The following UTP14A variants were observed in gnomAD, a reference collection of about 807,000 sequenced individuals.
The protein encoded by UTP14A is U3 small nucleolar RNA-associated protein 14 homolog A.
A neutral mutation model predicts 57.2 loss-of-function variants in UTP14A; 5 were observed. The ratio of observed to expected loss-of-function variants is 0.09; its 90% confidence interval spans 0.05 to 0.18. The LOEUF is 0.18. UTP14A is among the 10% of genes least tolerant of loss of function. UTP14A has a pLI of 1.00. For missense variants in UTP14A, 430 were observed against 562.1 expected (o/e 0.76, Z 2.38); for synonymous variants, 169 against 210.9 (o/e 0.80, Z 1.72).
intron 6 of UTP14A, among the ~76,000 whole-genome samples, chrX:129,912,995 G>T (rs1178668651): frequency 8.9e-6 from 1 of 111,916 alleles, no homozygotes; most frequent in Non-Finnish European, 1.9e-5. Flanking sequence ...GAAATCCTAT[G>T]TTGGTCCCTG....
At chrX:129,914,080 A>G (rs765999949) in intron 6 of UTP14A, among the ~76,000 whole-genome samples, 1 of 112,175 alleles carries the variant, frequency 8.9e-6, no homozygotes, top group African/African-American at 3.2e-5. Context: ...TGAGGCTCAG[A>G]TGTCATACAT....
In UTP14A at chrX:129,919,312, C is replaced by T; in HGVS notation, c.657+18C>T. ...TAGAAGAGGTAAGTGTGTCATAGGC[C>T]CTTCAGCACACCCAGGCATGCCACG... is the stretch of plus-strand genomic sequence containing the variant. On this transcript the variant is annotated intron_variant, in intron 7 of 14. Coordinates refer to ENST00000394422, the MANE Select transcript of UTP14A (RefSeq NM_006649.4). The T allele has an allele frequency of 1.7e-6, 2 of 1,211,269 alleles. No individual in the cohort carries two copies. Among genetic ancestry groups the T allele is most frequent in the South Asian group, 3.5e-5 (2 of 56,942 alleles).
chrX:129,925,403 C>A (rs1956742297), intron 12 of UTP14A, among the ~76,000 whole-genome samples: 1 of 111,743 alleles, frequency 8.9e-6, no homozygotes, highest in Non-Finnish European at 1.9e-5. Context: ...TCCACAAAAA[C>A]TCCTCTGGGG....
At chrX:129,908,020 T>C in intron 2 of UTP14A, 40 bp from the exon 3 acceptor site, 3 of 1,065,479 alleles carry the variant, frequency 2.8e-6, no homozygotes, top group Admixed American at 2.4e-5. Context: ...GTCTTTTCCC[T>C]CCCCCTCATC....
At chrX:129,924,421 G>T (rs769318589) in intron 11 of UTP14A, among the ~76,000 whole-genome samples, 1 of 109,017 alleles carries the variant, frequency 9.2e-6, no homozygotes, top group Admixed American at 9.8e-5. Flanking sequence ...TGAGTAGCTG[G>T]ACTACAGGCA....
At chrX:129,927,386 C>T in intron 14 of UTP14A, among the ~76,000 whole-genome samples, 1 of 111,914 alleles carries the variant, frequency 8.9e-6, no homozygotes, top group East Asian at 2.8e-4. Flanking sequence ...GCCGTCAACC[C>T]AAATAAGACA....
At chrX:129,923,942 A>AC (rs1198342863) in intron 11 of UTP14A, among the ~76,000 whole-genome samples, 1 of 109,987 alleles carries the variant, frequency 9.1e-6, no homozygotes, top group Admixed American at 9.8e-5. Flanking sequence ...AGGACCCAGG[A>AC]CGTCTGCTTC....
At chrX:129,913,692 G>A (rs1929564950) in intron 6 of UTP14A, among the ~76,000 whole-genome samples, 1 of 112,329 alleles carries the variant, frequency 8.9e-6, no homozygotes, top group Non-Finnish European at 1.9e-5. Context: ...TATTAAAAAC[G>A]AGATGGGGCC....
At chrX:129,928,478 A>G (rs1930192511) in intron 14 of UTP14A, among the ~76,000 whole-genome samples, 2 of 102,467 alleles carry the variant, frequency 2.0e-5, no homozygotes, top group African/African-American at 3.6e-5. Context: ...AATCCTGGCC[A>G]GGCGCGGTGG....
At position 129,920,386 on chromosome X, in the gene UTP14A, G is replaced by A. The variant is rs1448608707; in HGVS notation, c.753-71G>A. The A allele has an allele frequency of 6.7e-6, 8 of 1,198,669 alleles. No individual in the cohort carries two copies. The East Asian group carries it at 2.4e-4, about 36-fold the overall frequency. On this transcript the variant is annotated intron_variant, in intron 8 of 14. Transcript: ENST00000394422. ...CCCTGCCTAGGGAACCCATTGGGTAGTATGGGCACTTGTGCCTATGACATC... is the reference window on the plus strand; with the variant it reads ...CCCTGCCTAGGGAACCCATTGGGTAATATGGGCACTTGTGCCTATGACATC...
At chrX:129,917,011 A>T (rs775129583) in intron 6 of UTP14A, among the ~76,000 whole-genome samples, 38 of 111,750 alleles carry the variant, frequency 3.4e-4, no homozygotes, top group African/African-American at 1.1e-3. Flanking sequence ...TTTAAGGGTA[A>T]CATAAAGGGT....
In UTP14A at chrX:129,926,759, G is replaced by A. The variant is rs145139066; in HGVS notation, c.2043+420G>A. Reference sequence around the variant, plus strand: ...ATGAAGTCACATAAAGTAGAAGTTAGAGGACATACAGAATTCAAGGCTGCT... The same window carrying A: ...ATGAAGTCACATAAAGTAGAAGTTAAAGGACATACAGAATTCAAGGCTGCT... On this transcript the variant is annotated intron_variant, in intron 14 of 14. Transcript: ENST00000394422. 8.2e-3 allele frequency among the ~76,000 whole-genome samples: 915 copies of A among 111,831 alleles called. 11 individuals carry two copies. Among genetic ancestry groups the A allele is most frequent in the African/African-American group, 0.028 (871 of 30,770 alleles).
intron 2 of UTP14A, 135 bp from the exon 3 acceptor site, chrX:129,907,925 C>T: frequency 1.8e-6 from 1 of 550,380 alleles, no homozygotes; most frequent in African/African-American, 2.4e-5. Flanking sequence ...CACTGCACTC[C>T]ATCCTGGGCA....
At chrX:129,919,027 T>C (rs1335709569) in intron 6 of UTP14A, 148 bp from the exon 7 acceptor site, 14 of 855,744 alleles carry the variant, frequency 1.6e-5, no homozygotes, top group Non-Finnish European at 1.5e-5. Context: ...ACAACAAGAC[T>C]GGAACCCCCT....
At chrX:129,922,444 A>G (rs1199061858) in intron 11 of UTP14A, 2 of 111,844 alleles carry the variant, frequency 1.8e-5, no homozygotes, top group East Asian at 5.6e-4. Flanking sequence ...TGTTTAAGAG[A>G]CAGGGTTTTG....
chrX:129,908,260 T>C lies in UTP14A; in HGVS notation c.173+130T>C, dbSNP rs905328191. The C allele has an allele frequency of 7.0e-5, 35 of 502,700 alleles. 1 individual carries two copies. The highest frequency in any genetic ancestry group is 3.1e-4 in the Admixed American group (7 of 22,734). 41.4% of individuals were successfully genotyped at this position (502,700 alleles called of 1,213,427 possible). A position where few individuals can be genotyped will look rare whatever the true frequency, so the allele number is the denominator to read the frequency against. ...CTAGCATATAGTAAGCATTATATAA[T>C]TAACTGTTAGCTGTTATTAGTCTTA... On this transcript the variant is annotated intron_variant, in intron 3 of 14. Transcript: ENST00000394422.
rs754266108 is a variant in UTP14A, at chrX:129,929,545, G to T, written c.2253G>T (p.Gln751His). The change falls in exon 15 of 15, where the codon CAG becomes CAT. Residue 751 changes from glutamine to histidine, a missense_variant. Physicochemically the swap from Gln to His is conservative, Grantham distance 24. Coordinates refer to ENST00000394422, the MANE Select transcript of UTP14A (RefSeq NM_006649.4). ...SSSRSDLSVIQRNPKRITTRH... is the reference protein window; with the variant it reads ...SSSRSDLSVIHRNPKRITTRH... ...CAAGGTCGGACCTGTCTGTCATACAGAGGAATCCAAAACGAATCACCACAC... is the reference window on the plus strand; with the variant it reads ...CAAGGTCGGACCTGTCTGTCATACATAGGAATCCAAAACGAATCACCACAC... The T allele has an allele frequency of 2.5e-6, 3 of 1,209,747 alleles. No homozygotes were observed. The highest frequency in any genetic ancestry group is 4.4e-5 in the Admixed American group (2 of 45,679).
Position 129,924,845 on chromosome X carries a change from T to C in UTP14A, c.1399T>C (p.Leu467=), listed in dbSNP as rs148761683. The C allele has an allele frequency of 1.6e-4, 199 of 1,206,573 alleles. No homozygotes were observed. The African/African-American group carries it at 2.2e-3, about 14-fold the overall frequency. ...LSELRVLSQK[L]KENHQSRKQK... is the part of the protein sequence containing the mutation. ...TGAATTGAGAGTACTATCTCAGAAA[T>C]TGAAGGAAAACCATCAGTCCAGGAA... The change falls in exon 12 of 15, where the codon TTG becomes CTG. Residue 467 remains leucine, a synonymous_variant. Coordinates refer to ENST00000394422, the MANE Select transcript of UTP14A (RefSeq NM_006649.4).
At chrX:129,916,495 C>T (rs1929699497) in intron 6 of UTP14A, among the ~76,000 whole-genome samples, 1 of 111,494 alleles carries the variant, frequency 9.0e-6, no homozygotes, top group African/African-American at 3.3e-5. Context: ...CCTTCTTGAC[C>T]CCTTCACTGT....
Sources: allele counts gnomAD v4.1 joint callset (sites outside exome capture counted in the v4.1 genomes callset), GRCh38; gene constraint gnomAD v4.1.1; transcripts MANE v1.5; gene names NCBI Gene and HGNC (gene_info 2026-07-23, HGNC 2026-07-21).